ADAM2: variants seen among roughly 807,000 people sequenced by gnomAD.
ADAM2 encodes the protein ADAM metallopeptidase domain 2, also known as disintegrin and metalloproteinase domain-containing protein 2.
A neutral mutation model predicts 99.3 loss-of-function variants in ADAM2; 101 were observed. The ratio of observed to expected loss-of-function variants is 1.02; its 90% CI spans 0.87 to 1.20. The LOEUF (loss-of-function observed/expected upper bound fraction) is 1.20. Among genes scored for constraint, ADAM2 ranks in the 50% most tolerant of loss-of-function variants. The pLI, the probability that ADAM2 is intolerant of heterozygous loss-of-function variation, is 0.00. For missense variants in ADAM2, 948 were observed against 878.7 expected, an observed-to-expected ratio of 1.08 and a Z score of -1.00; for synonymous variants, 323 against 287.6, an observed-to-expected ratio of 1.12 and a Z score of -1.25.
intron 3 of ADAM2, among the ~76,000 whole-genome samples, chr8:39,831,034 G>T (rs900367278): frequency 2.0e-5 from 3 of 152,102 alleles, no homozygotes; most frequent in Admixed American, 1.3e-4. Context: ...CCTTCACCAG[G>T]CACTGAATCT....
intron 15 of ADAM2, among the ~76,000 whole-genome samples, chr8:39,760,534 A>T (rs1802309991): frequency 6.6e-6 from 1 of 152,062 alleles, no homozygotes; most frequent in African/African-American, 2.4e-5. Flanking sequence ...ATCCTGGCTA[A>T]CACGGTGAAA....
Position 39,746,629 on chromosome 8 carries a change from T to G in ADAM2, c.2017A>C (p.Arg673=). Residue 673 remains arginine, a splice_region_variant and synonymous_variant, in exon 19 of 21, where the codon AGG becomes CGG. Transcript: ENST00000265708. The part of the protein sequence containing the change: ...PVAIPARLPE[R]RYIENIYHSK... ...TGGTAAATGTTCTCAATGTAGCGCCTTTCTAGAAGAAAAAAAAATCAAAGA... is the reference window on the plus strand; with the variant it reads ...TGGTAAATGTTCTCAATGTAGCGCCGTTCTAGAAGAAAAAAAAATCAAAGA... 1 of 1,563,032 alleles carries G rather than the reference T, an allele frequency of 6.4e-7. No homozygotes were observed. Among genetic ancestry groups the G allele is most frequent in the African/African-American group, 1.4e-5 (1 of 71,380 alleles).
At chr8:39,826,506 G>A (rs187742623) in intron 3 of ADAM2, among the ~76,000 whole-genome samples, 66 of 152,110 alleles carry the variant, frequency 4.3e-4, no homozygotes, top group Admixed American at 3.1e-3. Flanking sequence ...GGTAGATCAC[G>A]AGGTCGGGAG....
intron 10 of ADAM2, among the ~76,000 whole-genome samples, chr8:39,785,041 C>T (rs1302187667): frequency 1.3e-5 from 2 of 152,160 alleles, no homozygotes; most frequent in African/African-American, 4.8e-5. Flanking sequence ...TGTGCAGCAG[C>T]TCCTTTGTTT....
At chr8:39,749,023 A>G (rs1299255942) in intron 18 of ADAM2, among the ~76,000 whole-genome samples, 1 of 152,044 alleles carries the variant, frequency 6.6e-6, no homozygotes, top group African/African-American at 2.4e-5. Context: ...TAATCTTCTC[A>G]TCTATGCAAT....
chr8:39,817,830 C>CAAA (rs1805018028), intron 6 of ADAM2: 1 of 151,754 alleles, frequency 6.6e-6, no homozygotes, highest in Non-Finnish European at 1.5e-5. Flanking sequence ...GTCCTACAAA[C>CAAA]AACAATATGA....
At chr8:39,768,477 G>C (rs1372867639) in intron 12 of ADAM2, among the ~76,000 whole-genome samples, 2 of 151,790 alleles carry the variant, frequency 1.3e-5, no homozygotes, top group Admixed American at 1.3e-4. Context: ...TTCAACCCAG[G>C]TGCTTTATCT....
chr8:39,836,301 C>G (rs13253377), intron 2 of ADAM2, among the ~76,000 whole-genome samples: 1 of 151,810 alleles, frequency 6.6e-6, no homozygotes, highest in Non-Finnish European at 1.5e-5. Flanking sequence ...TTATTTTCTA[C>G]TATTATTAAC....
In ADAM2 at chr8:39,787,048, C is replaced by T. The variant is rs764175300; in HGVS notation, c.817G>A (p.Glu273Lys). ...GTTGCACCAACATAATTTGACTTTT[C>T]TCTGTAACTTAAGTTTAAAAAGGGA... ...HDVAFLLVYR[E>K]KSNYVGATFQ... is the part of the protein sequence containing the mutation. The change falls in exon 10 of 21, where the codon GAA becomes AAA. Residue 273 changes from glutamate (E) to lysine (K), a missense_variant. Transcript: ENST00000265708. The T allele has an allele frequency of 6.3e-7, 1 of 1,590,658 alleles. No individual in the cohort carries two copies.
At chr8:39,787,743 TAAC>T (rs1357686876) in intron 9 of ADAM2, among the ~76,000 whole-genome samples, 2 of 151,650 alleles carry the variant, frequency 1.3e-5, no homozygotes, top group East Asian at 3.9e-4. Flanking sequence ...CAACAAATCA[TAAC>T]AAGAAGGCTG....
chr8:39,832,482 C>T (rs1016736131), intron 3 of ADAM2, among the ~76,000 whole-genome samples: 1 of 152,148 alleles, frequency 6.6e-6, no homozygotes, highest in African/African-American at 2.4e-5. Flanking sequence ...ACACTTTATT[C>T]TCATCTGATG....
intron 4 of ADAM2, among the ~76,000 whole-genome samples, chr8:39,823,983 TA>T (rs1024944991): frequency 5.3e-5 from 8 of 151,856 alleles, no homozygotes; most frequent in African/African-American, 1.9e-4. Flanking sequence ...GGGCTGAGGT[TA>T]AAAAACAAAA....
At chr8:39,810,095 C>T (rs1197053013) in intron 6 of ADAM2, among the ~76,000 whole-genome samples, 2 of 151,662 alleles carry the variant, frequency 1.3e-5, no homozygotes, top group Admixed American at 6.6e-5. Flanking sequence ...GAAGACCTAC[C>T]AAGCAAATGG....
At chr8:39,828,344 T>C (rs1315179530) in intron 3 of ADAM2, among the ~76,000 whole-genome samples, 1 of 151,668 alleles carries the variant, frequency 6.6e-6, no homozygotes, top group Non-Finnish European at 1.5e-5. Context: ...CATATGGTAA[T>C]TGGTAGGAGG....
At chr8:39,755,110 A>G (rs1802096628) in intron 16 of ADAM2, among the ~76,000 whole-genome samples, 1 of 152,210 alleles carries the variant, frequency 6.6e-6, no homozygotes, top group Non-Finnish European at 1.5e-5. Flanking sequence ...TAAAATGATT[A>G]TATCAAAAGA....
chr8:39,749,017 C>T (rs534001541), intron 18 of ADAM2, among the ~76,000 whole-genome samples: 2 of 152,178 alleles, frequency 1.3e-5, no homozygotes, highest in African/African-American at 2.4e-5. Flanking sequence ...TCTGATTAAT[C>T]TTCTCATCTA....
At chr8:39,801,709 T>G (rs1804221461) in intron 7 of ADAM2, among the ~76,000 whole-genome samples, 1 of 151,664 alleles carries the variant, frequency 6.6e-6, no homozygotes, top group East Asian at 2.0e-4. Flanking sequence ...CCTGAGCCTC[T>G]GGCTGGAGTT....
intron 7 of ADAM2, 68 bp downstream of exon 7, chr8:39,809,342 T>A: frequency 1.4e-6 from 1 of 710,466 alleles, no homozygotes; most frequent in East Asian, 2.9e-5. Context: ...TAAAAATATA[T>A]TCCAAATTAT....
intron 2 of ADAM2, among the ~76,000 whole-genome samples, chr8:39,836,307 T>C (rs1805820905): frequency 1.3e-5 from 2 of 152,198 alleles, no homozygotes; most frequent in South Asian, 4.1e-4. Context: ...TCTACTATTA[T>C]TAACATCTCC....
Sources: gnomAD v4.1 joint callset for allele counts (sites outside exome capture counted in the v4.1 genomes callset) on GRCh38, gnomAD v4.1.1 for gene constraint, MANE v1.5 for transcripts, NCBI Gene and HGNC (gene_info 2026-07-23, HGNC 2026-07-21) for gene names.